The following DMD variants were observed in gnomAD, a reference collection of about 807,000 sequenced individuals.
DMD encodes dystrophin.
In DMD, 63 loss-of-function variants were observed where a neutral mutation model predicts 330.1. The observed-to-expected ratio is 0.19, with a 90% confidence interval of 0.16 to 0.24. DMD has a LOEUF of 0.24. DMD is among the 10% of genes least tolerant of loss of function. DMD has a pLI of 1.00. For synonymous variants in DMD, 1,223 were observed against 959.8 expected (o/e 1.27, Z -5.07); for missense variants, 3,344 against 2,684.1 (o/e 1.25, Z -5.43).
At chrX:31,249,034 A>G (rs1242140431) in intron 63 of DMD, among the ~76,000 whole-genome samples, 1 of 112,039 alleles carries the variant, frequency 8.9e-6, no homozygotes, top group South Asian at 3.8e-4. Context: ...AATTTCCCGC[A>G]TTAAATTCCC....
In DMD at chrX:32,428,738, A is replaced by G. The variant is rs984640223; in HGVS notation, c.4071+9503T>C. Among the ~76,000 whole-genome samples the G allele has an allele frequency of 4.5e-5, 5 of 110,998 alleles. No individual in the cohort carries two copies. In the East Asian group the frequency reaches 1.1e-3, roughly 25 times the overall value. On this transcript the variant is annotated intron_variant, in intron 29 of 78. Coordinates refer to ENST00000357033, the MANE Select transcript of DMD (RefSeq NM_004006.3). ...GCAATTCTCCCACCTCAGCCTCCCA[A>G]GCAGCTGGGACTACAGGCGTGCACC...
chrX:33,161,067 A>G (rs2048748717), intron 1 of DMD, among the ~76,000 whole-genome samples: 1 of 111,970 alleles, frequency 8.9e-6, no homozygotes, highest in South Asian at 3.7e-4. Context: ...GAAATACGTC[A>G]CGTATCTCAT....
At chrX:32,044,558 A>G (rs954499135) in intron 44 of DMD, among the ~76,000 whole-genome samples, 1 of 110,270 alleles carries the variant, frequency 9.1e-6, no homozygotes. Context: ...AGTAGCTGAG[A>G]CTACAGGTGC....
At chrX:31,141,490 G>T (rs913142158) in intron 76 of DMD, among the ~76,000 whole-genome samples, 8 of 111,878 alleles carry the variant, frequency 7.2e-5, no homozygotes, top group Non-Finnish European at 1.5e-4. Flanking sequence ...AACCAATTAG[G>T]AAAGTATTCA....
intron 2 of DMD, among the ~76,000 whole-genome samples, chrX:32,881,138 G>A (rs180803156): frequency 8.9e-6 from 1 of 112,382 alleles, no homozygotes; most frequent in Admixed American, 9.4e-5. Context: ...GTAGATGCCA[G>A]TGTCAGTCTA....
chrX:32,199,712 C>G (rs1185376338), intron 44 of DMD, among the ~76,000 whole-genome samples: 2 of 108,884 alleles, frequency 1.8e-5, no homozygotes, highest in Admixed American at 2.0e-4. Context: ...CTCCCAGGTT[C>G]AAGCAATCTT....
intron 9 of DMD, among the ~76,000 whole-genome samples, chrX:32,675,960 G>A (rs2061941002): frequency 9.0e-6 from 1 of 111,370 alleles, no homozygotes; most frequent in African/African-American, 3.3e-5. Flanking sequence ...CAACACTCAG[G>A]AAGGAGCTTA....
At chrX:32,234,885 G>T (rs2097181811) in intron 43 of DMD, among the ~76,000 whole-genome samples, 2 of 111,614 alleles carry the variant, frequency 1.8e-5, no homozygotes, top group African/African-American at 6.5e-5. Flanking sequence ...AGGAAAAAAA[G>T]ATTCAGAGAC....
At chrX:32,654,347 G>A (rs2060399102) in intron 9 of DMD, among the ~76,000 whole-genome samples, 1 of 111,716 alleles carries the variant, frequency 9.0e-6, no homozygotes, top group Non-Finnish European at 1.9e-5. Context: ...TTTATTGAGA[G>A]TTTTTAGCAT....
intron 2 of DMD, among the ~76,000 whole-genome samples, chrX:32,975,326 T>TA (rs200370921): frequency 9.8e-6 from 1 of 101,787 alleles, no homozygotes; most frequent in African/African-American, 3.7e-5. Flanking sequence ...CACATTTTGC[T>TA]TTTTAAACTT....
intron 29 of DMD, among the ~76,000 whole-genome samples, chrX:32,427,159 G>A (rs1192103697): frequency 8.9e-6 from 1 of 111,801 alleles, no homozygotes; most frequent in African/African-American, 3.2e-5. Flanking sequence ...TAAGAGAAAG[G>A]CTGGTAAAGA....
chrX:32,482,423 C>T (rs768673374), intron 21 of DMD, among the ~76,000 whole-genome samples: 1 of 111,645 alleles, frequency 9.0e-6, no homozygotes, highest in South Asian at 3.7e-4. Flanking sequence ...TTGTGACTGG[C>T]TTCTTTCACT....
At chrX:33,047,475 TA>T (rs1338780141) in intron 1 of DMD, among the ~76,000 whole-genome samples, 1 of 111,646 alleles carries the variant, frequency 9.0e-6, no homozygotes, top group Admixed American at 9.6e-5. Context: ...TGATGGACTA[TA>T]AAATTTGTTT....
At chrX:33,331,984 G>C (rs1201116535) in intron 1 of DMD, among the ~76,000 whole-genome samples, 3 of 111,288 alleles carry the variant, frequency 2.7e-5, no homozygotes, top group Non-Finnish European at 5.7e-5. Flanking sequence ...ATTGCAATTA[G>C]TATCTATAGG....
At chrX:31,735,673 C>A (rs955297963) in intron 51 of DMD, among the ~76,000 whole-genome samples, 11 of 111,939 alleles carry the variant, frequency 9.8e-5, no homozygotes, top group Non-Finnish European at 1.7e-4. Context: ...AGATGTGTTA[C>A]ATGGTAATGG....
At chrX:33,333,624 T>C (rs190678597) in intron 1 of DMD, among the ~76,000 whole-genome samples, 373 of 111,356 alleles carry the variant, frequency 3.3e-3, no homozygotes, top group African/African-American at 0.011. Flanking sequence ...TTGCACATTA[T>C]GGAACTATGG....
In DMD at chrX:32,427,719, T is replaced by C. The variant is rs758995286; in HGVS notation, c.4071+10522A>G. On this transcript the variant is annotated intron_variant, in intron 29 of 78. Coordinates refer to ENST00000357033, the MANE Select transcript of DMD (RefSeq NM_004006.3). ...GTTGATGACTGGAATTATCTATTCC[T>C]AGAAAGTGTGTTCAAATTTGAATGT... Among the ~76,000 whole-genome samples, 254 of 111,310 alleles carry C rather than the reference T, an allele frequency of 2.3e-3. 2 individuals carry two copies. Among genetic ancestry groups the C allele is most frequent in the South Asian group, 6.3e-3 (17 of 2,680 alleles).
At chrX:31,328,058 T>C (rs1337968458) in intron 61 of DMD, among the ~76,000 whole-genome samples, 2 of 112,250 alleles carry the variant, frequency 1.8e-5, no homozygotes, top group Non-Finnish European at 3.8e-5. Context: ...CTTGTAGGGT[T>C]ACAACAGATT....
At chrX:32,166,088 T>G (rs1371971944) in intron 44 of DMD, among the ~76,000 whole-genome samples, 1 of 111,359 alleles carries the variant, frequency 9.0e-6, no homozygotes, top group African/African-American at 3.3e-5. Flanking sequence ...GAAAACGGGC[T>G]AATACACTCC....
Sources: allele counts gnomAD v4.1 joint callset (sites outside exome capture counted in the v4.1 genomes callset), GRCh38; gene constraint gnomAD v4.1.1; transcripts MANE v1.5; gene names NCBI Gene and HGNC (gene_info 2026-07-23, HGNC 2026-07-21).